AOPEP: variants seen among roughly 807,000 people sequenced by gnomAD.
AOPEP encodes the protein aminopeptidase O (putative).
A neutral mutation model predicts 98.1 loss-of-function variants in AOPEP; 77 were observed. The observed-to-expected ratio is 0.78, with a 90% CI of 0.65 to 0.95. The LOEUF is 0.95. Ranked by LOEUF, AOPEP falls within the 40% of genes least tolerant of loss-of-function variation. The pLI, the probability that AOPEP is intolerant of heterozygous loss-of-function variation, is 0.00. For synonymous variants in AOPEP, 346 were observed against 365.3 expected (o/e 0.95, Z 0.60); for missense variants, 1,024 against 1,024.7 (o/e 1.00, Z 0.01).
chr9:95,087,695 C>A (rs563104823), downstream of AOPEP, among the ~76,000 whole-genome samples: 1 of 152,076 alleles, frequency 6.6e-6, no homozygotes, highest in East Asian at 1.9e-4. Flanking sequence ...TCGTGGGAGT[C>A]TGGTGGTATG....
At chr9:94,853,581 T>C (rs1274001580) in intron 5 of AOPEP, among the ~76,000 whole-genome samples, 1 of 152,204 alleles carries the variant, frequency 6.6e-6, no homozygotes. Flanking sequence ...AACACAAAGA[T>C]AAACCTATTG....
At chr9:94,838,525 A>AT in intron 5 of AOPEP, among the ~76,000 whole-genome samples, 1 of 152,292 alleles carries the variant, frequency 6.6e-6, no homozygotes, top group East Asian at 1.9e-4. Context: ...GGCTGATTTG[A>AT]TTCCTCCAAC....
chr9:95,106,036 C>A, the AOPEP span, among the ~76,000 whole-genome samples: 1 of 152,214 alleles, frequency 6.6e-6, no homozygotes, highest in Admixed American at 6.5e-5. Context: ...GTTTGAGGAA[C>A]CACCCCATTC....
At chr9:94,991,700 G>A (rs1448300537) in intron 11 of AOPEP, among the ~76,000 whole-genome samples, 1 of 152,166 alleles carries the variant, frequency 6.6e-6, no homozygotes, top group Non-Finnish European at 1.5e-5. Context: ...TTTCACAGAT[G>A]CAGGATATGG....
chr9:94,796,663 T>C lies in AOPEP; in HGVS notation c.1118+3745T>C, dbSNP rs1847003065. The stretch of plus-strand genomic sequence containing the variant: ...TGGCCAAAGTGTTGGTCACTGAACT[T>C]TTATGATCAGTGTTCATGTGGGTAA... On this transcript the variant is annotated intron_variant, in intron 4 of 16. Coordinates refer to ENST00000375315, the MANE Select transcript of AOPEP (RefSeq NM_001193329.3). Among the ~76,000 whole-genome samples, 3 of 152,314 alleles carry C rather than the reference T, an allele frequency of 2.0e-5. 1 individual carries two copies. The highest frequency in any genetic ancestry group is 4.1e-4 in the South Asian group (2 of 4,820).
intron 1 of AOPEP, among the ~76,000 whole-genome samples, chr9:94,733,263 T>G (rs992747405): frequency 4.6e-5 from 7 of 151,994 alleles, no homozygotes; most frequent in Non-Finnish European, 1.0e-4. Flanking sequence ...CGCACCACCA[T>G]GCTCAGCTAA....
the AOPEP span, chr9:95,110,658 AAAC>A: frequency 3.8e-6 from 4 of 1,048,202 alleles, no homozygotes; most frequent in South Asian, 9.2e-5. Flanking sequence ...GTGTGTTTTC[AAAC>A]AACAGAAAAT....
intron 3 of AOPEP, among the ~76,000 whole-genome samples, chr9:94,773,880 C>G (rs1272171844): frequency 6.6e-6 from 1 of 152,126 alleles, no homozygotes; most frequent in Non-Finnish European, 1.5e-5. Flanking sequence ...ATCCTCCCAC[C>G]TCATCCTGCC....
the AOPEP span, among the ~76,000 whole-genome samples, chr9:95,126,293 A>G: frequency 1.3e-5 from 2 of 152,228 alleles, no homozygotes; most frequent in Admixed American, 6.5e-5. Context: ...TATTATTAGA[A>G]TCTTAAAAGG....
intron 5 of AOPEP, among the ~76,000 whole-genome samples, chr9:94,916,377 A>T (rs2052797591): frequency 6.6e-6 from 1 of 152,140 alleles, no homozygotes; most frequent in Non-Finnish European, 1.5e-5. Context: ...CCTGCAGAAA[A>T]TACACAGCTT....
the AOPEP span, chr9:95,114,330 C>T: frequency 2.5e-6 from 1 of 406,936 alleles, no homozygotes; most frequent in Admixed American, 3.5e-5. Context: ...TCCAAGGCCT[C>T]TTCTTTTTAT....
At chr9:95,031,925 G>A (rs548786374) in intron 13 of AOPEP, among the ~76,000 whole-genome samples, 48 of 152,154 alleles carry the variant, frequency 3.2e-4, no homozygotes, top group Admixed American at 2.8e-3. Flanking sequence ...CTCTTCTTTT[G>A]ATTACATGTG....
At chr9:95,008,438 A>T (rs2062209917) in intron 13 of AOPEP, among the ~76,000 whole-genome samples, 1 of 152,220 alleles carries the variant, frequency 6.6e-6, no homozygotes, top group African/African-American at 2.4e-5. Context: ...GCGCTGAGCA[A>T]GGAGCTACAC....
chr9:95,076,188 G>A (rs1456319373), intron 14 of AOPEP, among the ~76,000 whole-genome samples: 1 of 152,202 alleles, frequency 6.6e-6, no homozygotes, highest in Non-Finnish European at 1.5e-5. Flanking sequence ...CTTATCAAAA[G>A]TTTGGTAATT....
chr9:94,990,604 TATTTA>T (rs892402764), intron 11 of AOPEP, among the ~76,000 whole-genome samples: 43 of 139,576 alleles, frequency 3.1e-4, no homozygotes, highest in African/African-American at 1.1e-3. Flanking sequence ...AAAAGCAGAT[TATTTA>T]ATTTAATTAA....
intron 2 of AOPEP, among the ~76,000 whole-genome samples, chr9:94,766,354 A>T (rs374708): frequency 6.6e-6 from 1 of 151,954 alleles, no homozygotes; most frequent in Admixed American, 6.6e-5. Flanking sequence ...CTGGCTGATG[A>T]GGTGAAACCC....
chr9:95,003,442 C>G (rs575739190), intron 11 of AOPEP, among the ~76,000 whole-genome samples: 24 of 152,284 alleles, frequency 1.6e-4, no homozygotes, highest in African/African-American at 5.8e-4. Flanking sequence ...GGATCGTGAA[C>G]TCCCAAGGAA....
the AOPEP span, chr9:95,123,541 C>T: frequency 5.7e-6 from 3 of 524,012 alleles, no homozygotes; most frequent in South Asian, 4.3e-5. Flanking sequence ...AAAGAAGGAA[C>T]AACGGTCGTA....
At chr9:94,855,980 GA>G (rs2044159685) in intron 5 of AOPEP, among the ~76,000 whole-genome samples, 1 of 152,166 alleles carries the variant, frequency 6.6e-6, no homozygotes, top group South Asian at 2.1e-4. Flanking sequence ...CCAGCAATGG[GA>G]CTTATACGTA....
Sources: gnomAD v4.1 joint callset for allele counts (sites outside exome capture counted in the v4.1 genomes callset) on GRCh38, gnomAD v4.1.1 for gene constraint, MANE v1.5 for transcripts, NCBI Gene and HGNC (gene_info 2026-07-23, HGNC 2026-07-21) for gene names.